PIAS1: variants seen among roughly 807,000 people sequenced by gnomAD.
PIAS1 encodes E3 SUMO-protein ligase PIAS1.
Under a neutral mutation model 71.3 loss-of-function variants are expected in PIAS1, and 6 were observed. The ratio of observed to expected loss-of-function variants is 0.08; its 90% CI spans 0.05 to 0.17. The LOEUF (loss-of-function observed/expected upper bound fraction) is 0.17, where lower values mean the gene tolerates loss of function less well. Among genes scored for constraint, PIAS1 ranks in the 10% least tolerant of loss-of-function variants. The pLI, the probability that PIAS1 is intolerant of heterozygous loss-of-function variation, is 1.00. For missense variants in PIAS1, 555 were observed against 793.6 expected, an observed-to-expected ratio of 0.70 and a Z score of 3.61; for synonymous variants, 303 against 292.9, an observed-to-expected ratio of 1.03 and a Z score of -0.35.
chr15:68,148,164 G>A (rs1280910847), intron 6 of PIAS1, among the ~76,000 whole-genome samples: 1 of 152,178 alleles, frequency 6.6e-6, no homozygotes, highest in Non-Finnish European at 1.5e-5. Flanking sequence ...GAACGAGAGA[G>A]AGCAGTCAGG....
intron 1 of PIAS1, among the ~76,000 whole-genome samples, chr15:68,071,124 G>A (rs2092090749): frequency 6.6e-6 from 1 of 152,066 alleles, no homozygotes. Context: ...AGTGGACATT[G>A]AGGCTTATTT....
chr15:68,138,148 C>T lies in PIAS1; in HGVS notation c.470-3798C>T, dbSNP rs2092746462. ...GTGGGAACAGGGCAAGACCCTGTCT[C>T]TAAAAAAGAAAGAAAAAATAACCAA... On this transcript the variant is annotated intron_variant, in intron 2 of 13. Coordinates refer to ENST00000249636, the MANE Select transcript of PIAS1 (RefSeq NM_016166.3). Among the ~76,000 whole-genome samples, 3 of 151,990 alleles carry T rather than the reference C, an allele frequency of 2.0e-5. No individual in the cohort carries two copies. In the East Asian group the frequency reaches 5.8e-4, roughly 29 times the overall value.
intron 1 of PIAS1, among the ~76,000 whole-genome samples, chr15:68,060,333 A>G (rs2140952779): frequency 6.6e-6 from 1 of 152,250 alleles, no homozygotes; most frequent in African/African-American, 2.4e-5. Flanking sequence ...GCATTTTAAA[A>G]CTATATTGAA....
At chr15:68,110,348 A>G (rs1034147095) in intron 2 of PIAS1, among the ~76,000 whole-genome samples, 4 of 152,158 alleles carry the variant, frequency 2.6e-5, no homozygotes, top group African/African-American at 9.7e-5. Context: ...TAATCCCAGC[A>G]CTTTGGGAGG....
At chr15:68,058,914 T>A (rs2091926135) in intron 1 of PIAS1, among the ~76,000 whole-genome samples, 1 of 152,172 alleles carries the variant, frequency 6.6e-6, no homozygotes, top group African/African-American at 2.4e-5. Context: ...TTTTCATGTC[T>A]ATCCAGGTTA....
In PIAS1 at chr15:68,191,854, A is replaced by T. The variant is rs964405968; in HGVS notation, c.*4019A>T. ...AGGTTTGAATCAAACACTTAATAGG[A>T]TCTTAGACTCTGGACCACTGAATCC... is the stretch of plus-strand genomic sequence containing the variant. On this transcript the variant is annotated 3_prime_UTR_variant, in exon 14 of 14. Coordinates refer to ENST00000249636, the MANE Select transcript of PIAS1 (RefSeq NM_016166.3). 6.6e-6 allele frequency: 1 copy of T among 152,162 alleles called. No homozygotes were observed. The highest frequency in any genetic ancestry group is 1.5e-5 in the Non-Finnish European group (1 of 68,028). 9.4% of individuals were successfully genotyped at this position (152,162 alleles called of 1,614,324 possible).
At chr15:68,138,308 T>C (rs1305301584) in intron 2 of PIAS1, among the ~76,000 whole-genome samples, 2 of 152,118 alleles carry the variant, frequency 1.3e-5, no homozygotes, top group African/African-American at 4.8e-5. Flanking sequence ...CTTGAACTGC[T>C]TGAAAGTGGT....
rs570516959 is a variant in PIAS1 at position 68,178,726 on chromosome 15, T to C, written c.1481+2072T>C. Among the ~76,000 whole-genome samples the C allele has an allele frequency of 5.9e-5, 9 of 152,248 alleles. No individual in the cohort carries two copies. The highest frequency in any genetic ancestry group is 1.9e-4 in the African/African-American group (8 of 41,558). ...AAATGCATCATAATATATATATTTGTTCTGTTCTTTAGACTATTAATAGTA... is the reference window on the plus strand; with the variant it reads ...AAATGCATCATAATATATATATTTGCTCTGTTCTTTAGACTATTAATAGTA... On this transcript the variant is annotated intron_variant, in intron 11 of 13. Transcript: ENST00000249636. This position sits in a 1 kb window ranked among gnomAD's most constrained non-coding sequence, Gnocchi z 4.2.
intron 8 of PIAS1, among the ~76,000 whole-genome samples, chr15:68,166,400 G>T (rs546618150): frequency 5.3e-5 from 8 of 151,430 alleles, no homozygotes; most frequent in Admixed American, 1.3e-4. Flanking sequence ...GACTGGGGAA[G>T]TAGAGGGTGA....
chr15:68,061,750 T>C (rs1183240772), intron 1 of PIAS1, among the ~76,000 whole-genome samples: 1 of 152,158 alleles, frequency 6.6e-6, no homozygotes, highest in African/African-American at 2.4e-5. Flanking sequence ...ATAAAAACTT[T>C]GAATGGCTTT....
intron 2 of PIAS1, among the ~76,000 whole-genome samples, chr15:68,120,941 C>G (rs2092608228): frequency 6.6e-6 from 1 of 152,128 alleles, no homozygotes; most frequent in Non-Finnish European, 1.5e-5. Flanking sequence ...TGACCTACTT[C>G]TATAAAAGTT....
intron 8 of PIAS1, among the ~76,000 whole-genome samples, chr15:68,172,282 A>G (rs1460437415): frequency 6.6e-6 from 1 of 152,156 alleles, no homozygotes; most frequent in East Asian, 1.9e-4. Flanking sequence ...CATGGTATAT[A>G]TGTGCCACAT....
intron 5 of PIAS1, 114 bp from the exon 6 acceptor site, chr15:68,146,452 A>G (rs2092808767): frequency 1.4e-6 from 1 of 726,630 alleles, no homozygotes. Context: ...CTACTTTTTA[A>G]TGAAAACATT....
chr15:68,158,705 T>C (rs1282729878), intron 7 of PIAS1, among the ~76,000 whole-genome samples: 1 of 152,148 alleles, frequency 6.6e-6, no homozygotes, highest in Non-Finnish European at 1.5e-5. Flanking sequence ...GCTTATAAAA[T>C]GAAATATTGA....
Position 68,181,194 on chromosome 15 carries a change from A to G in PIAS1, c.1482-18A>G, listed in dbSNP as rs370245590. 3.7e-6 allele frequency: 6 copies of G among 1,610,664 alleles called. No homozygotes were observed. Among genetic ancestry groups the G allele is most frequent in the Non-Finnish European group, 5.1e-6 (6 of 1,178,070 alleles). ...TTAACTGGCTAATGAAAACTATGCC[A>G]ATCTTTCCTTCTTCCAGCATTTTAA... On this transcript the variant is annotated intron_variant, in intron 11 of 13. Transcript: ENST00000249636.
At chr15:68,162,458 GAAGGAGAGGAAGAGAGGAA>G (rs2092930449) in intron 7 of PIAS1, among the ~76,000 whole-genome samples, 1 of 152,084 alleles carries the variant, frequency 6.6e-6, no homozygotes, top group African/African-American at 2.4e-5. Context: ...TCTAGGAGGG[GAAGGAGAGGAAGAGAGGAA>G]AAGGAGAGAG....
intron 1 of PIAS1, among the ~76,000 whole-genome samples, chr15:68,067,269 A>G (rs2140960661): frequency 6.6e-6 from 1 of 152,264 alleles, no homozygotes; most frequent in Admixed American, 6.5e-5. Flanking sequence ...AGATTTTCTA[A>G]CAGCCCCCTT....
At chr15:68,101,332 G>GTT (rs35754942) in intron 2 of PIAS1, among the ~76,000 whole-genome samples, 2,879 of 137,286 alleles carry the variant, frequency 0.021, 83 homozygotes, top group African/African-American at 0.074. Context: ...TAATTGCAGT[G>GTT]TTTTTTTTTT....
At chr15:68,126,342 C>A (rs2092650721) in intron 2 of PIAS1, among the ~76,000 whole-genome samples, 1 of 152,136 alleles carries the variant, frequency 6.6e-6, no homozygotes, top group African/African-American at 2.4e-5. Context: ...TCCAGCCTGT[C>A]TATTGAGCTT....
Sources: allele counts gnomAD v4.1 joint callset (sites outside exome capture counted in the v4.1 genomes callset), GRCh38; gene constraint gnomAD v4.1.1; non-coding constraint Gnocchi (gnomAD v3.1); transcripts MANE v1.5; gene names NCBI Gene and HGNC (gene_info 2026-07-23, HGNC 2026-07-21).